Variants in GPC6 observed in about 807,000 individuals in gnomAD.
The protein encoded by GPC6 is glypican 6, also known as glypican-6.
A neutral mutation model predicts 55.2 loss-of-function variants in GPC6; 14 were observed. The observed-to-expected ratio is 0.25, with a 90% CI of 0.17 to 0.40. The LOEUF (loss-of-function observed/expected upper bound fraction) is 0.40, where lower values mean the gene tolerates loss of function less well. Ranked by LOEUF, GPC6 falls within the 10% of genes least tolerant of loss-of-function variation. The pLI is 1.00. For synonymous variants in GPC6, 278 were observed against 259.6 expected (o/e 1.07, Z -0.68); for missense variants, 641 against 708.5 (o/e 0.90, Z 1.08).
intron 1 of GPC6, among the ~76,000 whole-genome samples, chr13:93,402,907 T>A (rs1428981980): frequency 6.6e-6 from 1 of 152,166 alleles, no homozygotes; most frequent in Non-Finnish European, 1.5e-5. Flanking sequence ...AATTGTCTAC[T>A]AATGAGTATA....
intron 2 of GPC6, among the ~76,000 whole-genome samples, chr13:93,554,513 G>A (rs1340011931): frequency 6.6e-6 from 1 of 152,098 alleles, no homozygotes; most frequent in Non-Finnish European, 1.5e-5. Flanking sequence ...TAAGCCATAT[G>A]GACATCAAAA....
intron 6 of GPC6, among the ~76,000 whole-genome samples, chr13:94,360,057 C>G (rs527679769): frequency 6.6e-6 from 1 of 152,268 alleles, no homozygotes; most frequent in African/African-American, 2.4e-5. Context: ...GGCTTTCCAG[C>G]CTACATATGC....
At chr13:94,141,002 C>CA (rs1887356909) in intron 4 of GPC6, among the ~76,000 whole-genome samples, 1 of 151,820 alleles carries the variant, frequency 6.6e-6, no homozygotes, top group South Asian at 2.1e-4. Context: ...CAAAAACAAA[C>CA]AAACAAAAGA....
chr13:94,028,316 C>T, intron 4 of GPC6, among the ~76,000 whole-genome samples: 1 of 151,854 alleles, frequency 6.6e-6, no homozygotes, highest in Admixed American at 6.6e-5. Context: ...GTTTTTAAAA[C>T]CATGTTTAGC....
intron 4 of GPC6, among the ~76,000 whole-genome samples, chr13:94,133,677 A>G (rs886988610): frequency 6.6e-6 from 1 of 152,076 alleles, no homozygotes; most frequent in Non-Finnish European, 1.5e-5. Context: ...AGAGGATGAG[A>G]AAGTGAATTT....
At chr13:94,402,538 T>C (rs1252533845) in intron 8 of GPC6, among the ~76,000 whole-genome samples, 1 of 152,118 alleles carries the variant, frequency 6.6e-6, no homozygotes, top group African/African-American at 2.4e-5. Flanking sequence ...GATGGGGAGA[T>C]TTTGCCTCCC....
At chr13:93,277,220 G>T (rs2139062396) in intron 1 of GPC6, among the ~76,000 whole-genome samples, 1 of 152,292 alleles carries the variant, frequency 6.6e-6, no homozygotes, top group South Asian at 2.1e-4. Context: ...CCACTGAGGT[G>T]AAAAGAAAGT....
chr13:93,884,085 T>A lies in GPC6; in HGVS notation c.711+53540T>A, dbSNP rs1034876533. ...GCACATACTCAATAAATGTTTTTCA[T>A]GTAAGAAAAGGTGCAGCTAAATTAC... On this transcript the variant is annotated intron_variant, in intron 3 of 8. Coordinates refer to ENST00000377047, the MANE Select transcript of GPC6 (RefSeq NM_005708.5). Among the ~76,000 whole-genome samples, 8 of 152,126 alleles carry A rather than the reference T, an allele frequency of 5.3e-5. No homozygotes were observed. The East Asian group carries it at 1.5e-3, about 29-fold the overall frequency.
chr13:93,896,507 T>C lies in GPC6; in HGVS notation c.711+65962T>C, dbSNP rs145055284. On this transcript the variant is annotated intron_variant, in intron 3 of 8. Transcript: ENST00000377047. The stretch of plus-strand genomic sequence containing the variant: ...GCAAGAAGGGAAAAATGATAGTCTC[T>C]CAAACTTTCAAAAAATTGTTTTTTG... Among the ~76,000 whole-genome samples, 134 of 152,192 alleles carry C rather than the reference T, an allele frequency of 8.8e-4. 1 individual carries two copies. The highest frequency in any genetic ancestry group is 3.1e-3 in the African/African-American group (128 of 41,562).
chr13:94,275,574 T>C (rs1012974720), intron 4 of GPC6, among the ~76,000 whole-genome samples: 4 of 152,082 alleles, frequency 2.6e-5, no homozygotes, highest in African/African-American at 7.2e-5. Flanking sequence ...AAACAAATGA[T>C]TGGTAAATTT....
intron 1 of GPC6, among the ~76,000 whole-genome samples, chr13:93,371,092 G>T (rs899424639): frequency 6.6e-6 from 1 of 152,128 alleles, no homozygotes. Context: ...GGTTGTGACA[G>T]ATGTTGTATT....
chr13:94,320,317 T>G (rs1405042224), intron 6 of GPC6, among the ~76,000 whole-genome samples: 8 of 152,178 alleles, frequency 5.3e-5, no homozygotes, highest in African/African-American at 1.9e-4. Context: ...AAACATGTTA[T>G]TTTTTACTTT....
chr13:93,767,648 T>C (rs919094906), intron 2 of GPC6, among the ~76,000 whole-genome samples: 9 of 152,230 alleles, frequency 5.9e-5, no homozygotes, highest in African/African-American at 1.9e-4. Flanking sequence ...CTCTGTTTCA[T>C]AAATGAAGGG....
At chr13:94,297,604 T>C (rs530449911) in intron 5 of GPC6, among the ~76,000 whole-genome samples, 4 of 152,340 alleles carry the variant, frequency 2.6e-5, no homozygotes, top group African/African-American at 7.2e-5. Context: ...AAAGAATTTC[T>C]TTTATTGTAG....
At chr13:93,348,573 A>T (rs1417225336) in intron 1 of GPC6, among the ~76,000 whole-genome samples, 1 of 152,186 alleles carries the variant, frequency 6.6e-6, no homozygotes, top group Admixed American at 6.5e-5. Context: ...TGTTGTTCAC[A>T]TGATTTGGTC....
At chr13:94,259,528 G>A (rs1412944) in intron 4 of GPC6, among the ~76,000 whole-genome samples, 23,477 of 151,962 alleles carry the variant, frequency 0.15, 2,381 homozygotes, top group Admixed American at 0.3. Context: ...ATATTTTAAC[G>A]ATTTTTTGGG....
intron 2 of GPC6, among the ~76,000 whole-genome samples, chr13:93,653,435 A>G (rs1199966497): frequency 6.6e-6 from 1 of 152,168 alleles, no homozygotes; most frequent in Non-Finnish European, 1.5e-5. Context: ...ATGTAAATGA[A>G]TCTCGGCTTT....
At chr13:94,284,695 C>T (rs1892481344) in intron 4 of GPC6, among the ~76,000 whole-genome samples, 1 of 151,908 alleles carries the variant, frequency 6.6e-6, no homozygotes, top group African/African-American at 2.4e-5. Context: ...TTTATCTGAG[C>T]TTTTCTAAGA....
chr13:93,762,057 A>G (rs747741027), intron 2 of GPC6, among the ~76,000 whole-genome samples: 5 of 152,092 alleles, frequency 3.3e-5, no homozygotes, highest in Non-Finnish European at 5.9e-5. Context: ...AGCCTCTGGT[A>G]ATCACTGTTC....
Sources: allele counts gnomAD v4.1 joint callset (sites outside exome capture counted in the v4.1 genomes callset), GRCh38; gene constraint gnomAD v4.1.1; transcripts MANE v1.5; gene names NCBI Gene and HGNC (gene_info 2026-07-23, HGNC 2026-07-21).